Variants in TJP1 observed in about 807,000 individuals in gnomAD.
TJP1 encodes the protein tight junction protein 1.
A neutral mutation model predicts 194.2 loss-of-function variants in TJP1; 43 were observed. That is an observed-to-expected ratio of 0.22 (90% confidence interval 0.17 to 0.29). The LOEUF (loss-of-function observed/expected upper bound fraction) is 0.29, where lower values mean the gene tolerates loss of function less well. Among genes scored for constraint, TJP1 ranks in the 10% least tolerant of loss-of-function variants. TJP1 has a pLI of 1.00. For synonymous variants in TJP1, 801 were observed against 779.0 expected, an observed-to-expected ratio of 1.03 and a Z score of -0.47; for missense variants, 1,971 against 2,185.7, an observed-to-expected ratio of 0.90 and a Z score of 1.96.
chr15:29,931,305 G>A (rs1719363), intron 2 of TJP1, among the ~76,000 whole-genome samples: 30,251 of 152,006 alleles, frequency 0.2, 3,203 homozygotes, highest in East Asian at 0.39. Context: ...GGCAGAGGCA[G>A]AAGAAAATCT....
chr15:29,912,695 CAAAAAAAAAAA>C lies in TJP1; in HGVS notation c.306+43526_306+43536del, dbSNP rs71103416. On this transcript the variant is annotated intron_variant, in intron 2 of 28. Coordinates refer to the TJP1 transcript ENST00000356107. The stretch of plus-strand genomic sequence containing the variant: ...TGGGAGACAGAGCAAGACTCTGTCT[CAAAAAAAAAAA>C]AAAAAAAAAAAAAAAAAGAGGGAGC... Among the ~76,000 whole-genome samples, 28 of 64,960 alleles carry C rather than the reference CAAAAAAAAAAA, an allele frequency of 4.3e-4. 2 individuals carry two copies. Among genetic ancestry groups the C allele is most frequent in the South Asian group, 1.6e-3 (2 of 1,224 alleles). 42.6% of individuals were successfully genotyped at this position (64,960 alleles called of 152,430 possible). A position where few individuals can be genotyped will look rare whatever the true frequency, so the allele number is the denominator to read the frequency against.
chr15:29,850,491 C>G (rs796392410), intron 2 of TJP1, among the ~76,000 whole-genome samples: 17 of 152,128 alleles, frequency 1.1e-4, no homozygotes, highest in African/African-American at 4.1e-4. Flanking sequence ...CACACGCCAC[C>G]ATGCCCAGCT....
chr15:29,707,622 C>G (rs2041980598), intron 25 of TJP1, among the ~76,000 whole-genome samples: 1 of 152,152 alleles, frequency 6.6e-6, no homozygotes, highest in African/African-American at 2.4e-5. Context: ...CTGAGATGAG[C>G]TTTTATGTAT....
intron 2 of TJP1, among the ~76,000 whole-genome samples, chr15:29,776,331 C>T (rs549705331): frequency 2.0e-5 from 3 of 152,032 alleles, no homozygotes; most frequent in East Asian, 1.9e-4. Flanking sequence ...TGACTTTCAC[C>T]GCTGAAGAGA....
intron 2 of TJP1, among the ~76,000 whole-genome samples, chr15:29,774,975 TTTTAAACGGAA>T (rs2046924760): frequency 6.6e-6 from 1 of 152,116 alleles, no homozygotes; most frequent in South Asian, 2.1e-4. Flanking sequence ...AGTGTGAAAA[TTTTAAACGGAA>T]AACTTCAGAA....
intron 2 of TJP1, among the ~76,000 whole-genome samples, chr15:29,846,791 T>G (rs2051428156): frequency 6.6e-6 from 1 of 151,916 alleles, no homozygotes; most frequent in Non-Finnish European, 1.5e-5. Flanking sequence ...CCGGGCCTGG[T>G]GGCGGGTGCC....
At chr15:29,896,903 T>C (rs2053495138) in intron 2 of TJP1, among the ~76,000 whole-genome samples, 1 of 152,138 alleles carries the variant, frequency 6.6e-6, no homozygotes, top group Non-Finnish European at 1.5e-5. Flanking sequence ...TTGGGTGCTG[T>C]TAAAGGCATT....
rs748942401 is a variant in TJP1, at chr15:29,716,713, A to G, written c.4100T>C (p.Phe1367Ser). The change falls in exon 23 of 28, where the codon TTT (phenylalanine) becomes TCT (serine). Residue 1367 changes from phenylalanine (F) to serine (S), a missense_variant. By Grantham distance (155) the Phe-to-Ser change is radical (BLOSUM62 -2). Transcript: ENST00000614355. ...KQLSYFDRRS[F>S]ENKPPAHIAA... ...AATGTGTGCAGGAGGCTTATTCTCA[A>G]AACTTCTTCGGTCAAAGTATGACAG... 21 of 1,614,160 alleles carry G rather than the reference A, an allele frequency of 1.3e-5. No homozygotes were observed. In the South Asian group the frequency reaches 2.2e-4, roughly 17 times the overall value.
intron 2 of TJP1, among the ~76,000 whole-genome samples, chr15:29,836,538 G>A (rs1389151521): frequency 1.3e-5 from 2 of 152,070 alleles, no homozygotes; most frequent in Non-Finnish European, 2.9e-5. Flanking sequence ...CCCAAGTACT[G>A]AGATTACAGG....
intron 2 of TJP1, among the ~76,000 whole-genome samples, chr15:29,860,010 A>T (rs2052013107): frequency 6.6e-6 from 1 of 151,950 alleles, no homozygotes; most frequent in Non-Finnish European, 1.5e-5. Context: ...CCGGGTTCAA[A>T]GCCACTTCCT....
intron 2 of TJP1, among the ~76,000 whole-genome samples, chr15:29,920,310 T>C (rs1202369666): frequency 1.3e-5 from 2 of 152,224 alleles, no homozygotes; most frequent in Non-Finnish European, 2.9e-5. Flanking sequence ...GATCTTTTTA[T>C]TTAGCATTTC....
At chr15:29,915,357 T>A (rs2054151621) in intron 2 of TJP1, among the ~76,000 whole-genome samples, 1 of 152,162 alleles carries the variant, frequency 6.6e-6, no homozygotes, top group African/African-American at 2.4e-5. Context: ...CCAACTACTA[T>A]AAGAATTAAC....
chr15:29,844,034 A>G (rs532286430), intron 2 of TJP1, among the ~76,000 whole-genome samples: 31 of 152,312 alleles, frequency 2.0e-4, no homozygotes, highest in Admixed American at 7.8e-4. Flanking sequence ...GCAGAGCACC[A>G]GAGTGACTGT....
chr15:29,776,374 C>A (rs1382611018), intron 2 of TJP1, among the ~76,000 whole-genome samples: 2 of 152,132 alleles, frequency 1.3e-5, no homozygotes, highest in Non-Finnish European at 2.9e-5. Context: ...CTGTAACAAA[C>A]CCTGTAAGTA....
chr15:29,753,822 GAAA>G (rs59926060), intron 8 of TJP1, among the ~76,000 whole-genome samples: 4 of 68,346 alleles, frequency 5.9e-5, no homozygotes, highest in Non-Finnish European at 1.2e-4. Context: ...AAGGGAAACA[GAAA>G]AAAAAAAAAA....
rs143055473 is a variant in TJP1 at position 29,773,152 on chromosome 15, G to A, written c.209+81C>T. 8.7e-6 allele frequency: 13 copies of A among 1,493,226 alleles called. No individual in the cohort carries two copies. In the East Asian group the frequency reaches 3.0e-4, roughly 34 times the overall value. The allele number at this position is 1,493,226 out of a possible 1,614,324, so 92.5% of individuals were successfully genotyped here. On this transcript the variant is annotated intron_variant, in intron 3 of 27. Transcript: ENST00000614355. ...AGTGTGAATATGACAAAATCACTAAGACAGTGTAAGACAGTACGCCAGTGC... is the reference window on the plus strand; with the variant it reads ...AGTGTGAATATGACAAAATCACTAAAACAGTGTAAGACAGTACGCCAGTGC...
At chr15:29,956,901 A>T (rs942753136) in intron 1 of TJP1, among the ~76,000 whole-genome samples, 5 of 151,388 alleles carry the variant, frequency 3.3e-5, no homozygotes, top group South Asian at 2.1e-4. Flanking sequence ...GTTTTTTTTT[A>T]AAAAAAGATT....
chr15:29,899,602 C>G (rs1000824700), intron 2 of TJP1, among the ~76,000 whole-genome samples: 11 of 152,176 alleles, frequency 7.2e-5, no homozygotes, highest in Non-Finnish European at 1.2e-4. Flanking sequence ...GCCCTCTGAA[C>G]CCCAACCTCA....
intron 2 of TJP1, among the ~76,000 whole-genome samples, chr15:29,908,568 T>C (rs1239727282): frequency 1.3e-5 from 2 of 152,190 alleles, no homozygotes; most frequent in Admixed American, 1.3e-4. Flanking sequence ...CAAATTTTAT[T>C]CTGATATTAA....
Sources: gnomAD v4.1 joint callset for allele counts (sites outside exome capture counted in the v4.1 genomes callset) on GRCh38, gnomAD v4.1.1 for gene constraint, MANE v1.5 for transcripts, NCBI Gene and HGNC (gene_info 2026-07-23, HGNC 2026-07-21) for gene names.